Variants in LCLAT1 observed in about 807,000 individuals in gnomAD.
LCLAT1 encodes 1-AGP acyltransferase 8.
Under a neutral mutation model 30.7 loss-of-function variants are expected in LCLAT1, and 11 were observed. The ratio of observed to expected loss-of-function variants is 0.36; its 90% CI spans 0.23 to 0.59. The LOEUF (loss-of-function observed/expected upper bound fraction) is 0.59. Among genes scored for constraint, LCLAT1 ranks in the 20% least tolerant of loss-of-function variants. The pLI, the probability that LCLAT1 is intolerant of heterozygous loss-of-function variation, is 0.77. For synonymous variants in LCLAT1, 155 were observed against 151.3 expected, an observed-to-expected ratio of 1.02 and a Z score of -0.18; for missense variants, 402 against 458.6, an observed-to-expected ratio of 0.88 and a Z score of 1.13.
At chr2:30,480,313 C>G (rs983387131) in intron 1 of LCLAT1, among the ~76,000 whole-genome samples, 9 of 152,066 alleles carry the variant, frequency 5.9e-5, no homozygotes, top group African/African-American at 2.2e-4. Flanking sequence ...ACCTCAGCCT[C>G]CTGAGTAGCT....
intron 3 of LCLAT1, among the ~76,000 whole-genome samples, chr2:30,541,887 T>TCAC (rs2148410773): frequency 6.6e-6 from 1 of 152,342 alleles, no homozygotes; most frequent in East Asian, 1.9e-4. Flanking sequence ...CATTAGGTGT[T>TCAC]ATCAGTCTTT....
chr2:30,562,763 C>T (rs1015942783), intron 4 of LCLAT1, among the ~76,000 whole-genome samples: 4 of 151,988 alleles, frequency 2.6e-5, no homozygotes, highest in African/African-American at 9.7e-5. Context: ...AATGTTTATC[C>T]TCCCCTACCT....
intron 4 of LCLAT1, among the ~76,000 whole-genome samples, chr2:30,565,541 A>G (rs1383131170): frequency 6.6e-6 from 1 of 152,216 alleles, no homozygotes. Context: ...CACAATTAGT[A>G]TGTGATAATT....
chr2:30,486,674 C>T (rs1177636795), intron 1 of LCLAT1, among the ~76,000 whole-genome samples: 1 of 152,144 alleles, frequency 6.6e-6, no homozygotes, highest in South Asian at 2.1e-4. Context: ...AGCTAGCTAG[C>T]TCTTGTGACT....
chr2:30,547,803 A>G (rs549562606), intron 3 of LCLAT1, among the ~76,000 whole-genome samples: 1 of 152,230 alleles, frequency 6.6e-6, no homozygotes, highest in South Asian at 2.1e-4. Context: ...CAAATTGTTT[A>G]TATGACTTTT....
At chr2:30,517,670 G>T (rs1427867627) in intron 1 of LCLAT1, among the ~76,000 whole-genome samples, 1 of 152,162 alleles carries the variant, frequency 6.6e-6, no homozygotes, top group Non-Finnish European at 1.5e-5. Context: ...TCCTTCTGCT[G>T]TGTTCCCAAA....
intron 1 of LCLAT1, chr2:30,459,736 A>G: frequency 1.3e-6 from 2 of 1,550,622 alleles, no homozygotes; most frequent in Middle Eastern, 1.7e-4. Flanking sequence ...AGTCTTTGTA[A>G]TGATTTAGAT....
intron 1 of LCLAT1, among the ~76,000 whole-genome samples, chr2:30,464,150 AG>A (rs1682306538): frequency 6.6e-6 from 1 of 152,148 alleles, no homozygotes; most frequent in African/African-American, 2.4e-5. Flanking sequence ...AATATGAAAA[AG>A]TAATTGGAAA....
chr2:30,493,379 A>T (rs968225922), intron 1 of LCLAT1, among the ~76,000 whole-genome samples: 1 of 152,262 alleles, frequency 6.6e-6, no homozygotes, highest in African/African-American at 2.4e-5. Flanking sequence ...ATGAGAATGT[A>T]CATAAAAAAC....
chr2:30,564,161 A>C (rs1665368155), intron 4 of LCLAT1, among the ~76,000 whole-genome samples: 1 of 152,146 alleles, frequency 6.6e-6, no homozygotes, highest in Admixed American at 6.6e-5. Flanking sequence ...CCATATTTAA[A>C]TTTTATAATA....
intron 1 of LCLAT1, among the ~76,000 whole-genome samples, chr2:30,456,725 C>T (rs1681857389): frequency 6.6e-6 from 1 of 152,146 alleles, no homozygotes; most frequent in Non-Finnish European, 1.5e-5. Flanking sequence ...ACCCAGGGAA[C>T]TCACCACCAT....
chr2:30,531,752 T>C (rs1685994924), intron 2 of LCLAT1, among the ~76,000 whole-genome samples: 3 of 152,232 alleles, frequency 2.0e-5, no homozygotes, highest in Non-Finnish European at 4.4e-5. Flanking sequence ...TAGCTAATAT[T>C]ATTTTGAACC....
intron 3 of LCLAT1, among the ~76,000 whole-genome samples, chr2:30,548,287 G>A (rs148330478): frequency 2.1e-4 from 32 of 152,090 alleles, no homozygotes; most frequent in African/African-American, 5.6e-4. Flanking sequence ...CTGTAACACA[G>A]CCCTCAAGAA....
intron 5 of LCLAT1, among the ~76,000 whole-genome samples, chr2:30,613,618 G>A (rs1572698821): frequency 7.5e-6 from 1 of 133,748 alleles, no homozygotes; most frequent in Admixed American, 7.7e-5. Flanking sequence ...GGAGGATCCC[G>A]CCAGCCTCTG....
At chr2:30,525,784 G>C in intron 2 of LCLAT1, 29 bp downstream of exon 2, 1 of 1,610,160 alleles carries the variant, frequency 6.2e-7, no homozygotes, top group Non-Finnish European at 8.5e-7. Context: ...GAGACTGTCT[G>C]CTTGTACTAG....
At chr2:30,557,004 A>T (rs1664951858) in intron 3 of LCLAT1, among the ~76,000 whole-genome samples, 1 of 152,144 alleles carries the variant, frequency 6.6e-6, no homozygotes, top group Non-Finnish European at 1.5e-5. Context: ...TCGGCCTCCC[A>T]AAGTGCTGGG....
chr2:30,623,488 G>T (rs1242968105), intron 5 of LCLAT1, among the ~76,000 whole-genome samples: 3 of 151,970 alleles, frequency 2.0e-5, no homozygotes, highest in African/African-American at 7.3e-5. Context: ...CTCAGCAATA[G>T]AATCAAACAG....
intron 1 of LCLAT1, among the ~76,000 whole-genome samples, chr2:30,461,027 C>G (rs1465596397): frequency 4.6e-5 from 7 of 152,136 alleles, no homozygotes; most frequent in Non-Finnish European, 1.0e-4. Flanking sequence ...TGAGTTGTAG[C>G]CTTTATAATG....
intron 1 of LCLAT1, among the ~76,000 whole-genome samples, chr2:30,496,757 C>T (rs1684139293): frequency 6.6e-6 from 1 of 152,148 alleles, no homozygotes; most frequent in East Asian, 1.9e-4. Flanking sequence ...ATCTGAATCT[C>T]ATTTCAGTTC....
Sources: allele counts gnomAD v4.1 joint callset (sites outside exome capture counted in the v4.1 genomes callset), GRCh38; gene constraint gnomAD v4.1.1; transcripts MANE v1.5; gene names NCBI Gene and HGNC (gene_info 2026-07-23, HGNC 2026-07-21).